The following SHANK2 variants were observed in gnomAD, a reference collection of about 807,000 sequenced individuals.
SHANK2 encodes the protein SH3 and multiple ankyrin repeat domains 2.
In SHANK2, 43 loss-of-function variants were observed where a neutral mutation model predicts 133.7. The ratio of observed to expected loss-of-function variants is 0.32; its 90% CI spans 0.25 to 0.41. The LOEUF (loss-of-function observed/expected upper bound fraction) is 0.41, where lower values mean the gene tolerates loss of function less well. Among genes scored for constraint, SHANK2 ranks in the 10% least tolerant of loss-of-function variants. The pLI, the probability that SHANK2 is intolerant of heterozygous loss-of-function variation, is 1.00. For missense variants in SHANK2, 1,994 were observed against 2,235.8 expected (o/e 0.89, Z 2.18); for synonymous variants, 1,017 against 952.8 (o/e 1.07, Z -1.24).
At chr11:70,930,788 A>G (rs1296031639) in intron 10 of SHANK2, among the ~76,000 whole-genome samples, 1 of 139,024 alleles carries the variant, frequency 7.2e-6, no homozygotes, top group African/African-American at 2.7e-5. Context: ...CTCCTGCCTC[A>G]CCCTCCCATG....
intron 14 of SHANK2, among the ~76,000 whole-genome samples, chr11:70,746,028 TG>T (rs1313343886): frequency 6.6e-6 from 1 of 152,156 alleles, no homozygotes; most frequent in Non-Finnish European, 1.5e-5. Flanking sequence ...ACCCAGGGCC[TG>T]GGGGCTTTCA....
chr11:70,584,023 G>A (rs139011617), intron 17 of SHANK2, among the ~76,000 whole-genome samples: 94 of 152,230 alleles, frequency 6.2e-4, no homozygotes, highest in Non-Finnish European at 1.1e-3. Context: ...TGCAGCCACC[G>A]CGAGCATGCT....
chr11:70,798,972 C>G (rs1385704074), intron 13 of SHANK2, among the ~76,000 whole-genome samples: 1 of 152,118 alleles, frequency 6.6e-6, no homozygotes, highest in Non-Finnish European at 1.5e-5. Context: ...CGCCACAAAG[C>G]AGGGAGGAAA....
intron 13 of SHANK2, among the ~76,000 whole-genome samples, chr11:70,799,831 G>T (rs79309520): frequency 6.6e-6 from 1 of 152,142 alleles, no homozygotes; most frequent in Non-Finnish European, 1.5e-5. Flanking sequence ...ATGAACATCC[G>T]CTGGAAGAAT....
intron 9 of SHANK2, among the ~76,000 whole-genome samples, chr11:71,061,844 C>T (rs1377304814): frequency 6.6e-6 from 1 of 152,060 alleles, no homozygotes; most frequent in East Asian, 1.9e-4. Context: ...CCAGTCCCGA[C>T]CTAGCCCTTC....
intron 17 of SHANK2, among the ~76,000 whole-genome samples, chr11:70,568,507 C>T (rs2136164782): frequency 6.6e-6 from 1 of 152,302 alleles, no homozygotes; most frequent in East Asian, 1.9e-4. Context: ...CTCCGTGAAG[C>T]TGGGGAACTT....
intron 17 of SHANK2, among the ~76,000 whole-genome samples, chr11:70,643,335 G>T (rs897030489): frequency 1.3e-5 from 2 of 152,088 alleles, no homozygotes; most frequent in African/African-American, 4.8e-5. Context: ...AGGCCGAGGC[G>T]GGCGGATCAC....
At chr11:70,592,926 C>A (rs182970601) in intron 17 of SHANK2, among the ~76,000 whole-genome samples, 1 of 152,222 alleles carries the variant, frequency 6.6e-6, no homozygotes, top group African/African-American at 2.4e-5. Context: ...GCCCCCAGGC[C>A]TGTCACCTAC....
chr11:70,889,542 A>G (rs1165479944), intron 11 of SHANK2, among the ~76,000 whole-genome samples: 1 of 152,190 alleles, frequency 6.6e-6, no homozygotes, highest in Non-Finnish European at 1.5e-5. Flanking sequence ...CTGAGAAGCA[A>G]AGGAGGAGCT....
chr11:70,487,912 G>A lies in SHANK2; in HGVS notation c.2573-192C>T, dbSNP rs1243084016. 6.6e-6 allele frequency among the ~76,000 whole-genome samples: 1 copy of A among 152,210 alleles called. No individual in the cohort carries two copies. The highest frequency in any genetic ancestry group is 6.5e-5 in the Admixed American group (1 of 15,282). On this transcript the variant is annotated intron_variant, in intron 24 of 25. Coordinates refer to ENST00000601538, the MANE Select transcript of SHANK2 (RefSeq NM_012309.5). This position sits in a 1 kb window ranked among gnomAD's most constrained non-coding sequence, Gnocchi z 5.8. ...CCGTCGTGAGCCAAAGGACAAGAAA[G>A]GGAAGAACAGAAAGGCACTGGGGAT...
intron 14 of SHANK2, among the ~76,000 whole-genome samples, chr11:70,717,871 A>T (rs1029936243): frequency 8.5e-5 from 13 of 152,166 alleles, no homozygotes; most frequent in Admixed American, 7.2e-4. Flanking sequence ...AGAAAAAAAA[A>T]ATCAGATGAA....
intron 11 of SHANK2, among the ~76,000 whole-genome samples, chr11:70,871,581 A>G (rs1949465384): frequency 1.3e-5 from 2 of 152,240 alleles, no homozygotes; most frequent in Admixed American, 6.5e-5. Context: ...CATTTGCTGA[A>G]CAAGCAGGGC....
At chr11:70,580,643 G>T (rs1450624618) in intron 17 of SHANK2, among the ~76,000 whole-genome samples, 2 of 152,220 alleles carry the variant, frequency 1.3e-5, no homozygotes, top group Admixed American at 1.3e-4. Context: ...GGACAGCGCC[G>T]TGGCACTGGC....
At chr11:70,858,986 GTCCTTTCCACAC>G (rs1949213843) in intron 11 of SHANK2, among the ~76,000 whole-genome samples, 3 of 152,204 alleles carry the variant, frequency 2.0e-5, no homozygotes, top group African/African-American at 7.2e-5. Context: ...GTCTCATGCT[GTCCTTTCCACAC>G]TGGAGCACTG....
intron 14 of SHANK2, among the ~76,000 whole-genome samples, chr11:70,755,387 T>A (rs1946845869): frequency 6.6e-6 from 1 of 152,244 alleles, no homozygotes; most frequent in Admixed American, 6.5e-5. Flanking sequence ...GCAGCCTTCT[T>A]CCTGTGGGTG....
In SHANK2 at chr11:70,809,116, G is replaced by A. The variant is rs75423986; in HGVS notation, c.1494-1945C>T. Among the ~76,000 whole-genome samples, 188 of 150,900 alleles carry A rather than the reference G, an allele frequency of 1.2e-3. 1 individual carries two copies. Among genetic ancestry groups the A allele is most frequent in the African/African-American group, 4.4e-3 (181 of 41,008 alleles). ...AGGACGGGCGTCCTTAGAAACAAAC[G>A]CATCTACACGGAGGAAGTTGGCCAG... On this transcript the variant is annotated intron_variant, in intron 12 of 25. Transcript: ENST00000601538.
intron 2 of SHANK2, among the ~76,000 whole-genome samples, chr11:71,211,950 C>G (rs1008540559): frequency 6.6e-6 from 1 of 152,166 alleles, no homozygotes; most frequent in East Asian, 1.9e-4. Flanking sequence ...TCTGGCTTAA[C>G]GTCCACCTCA....
intron 15 of SHANK2, among the ~76,000 whole-genome samples, chr11:70,687,053 G>A (rs928465974): frequency 1.3e-5 from 2 of 152,210 alleles, no homozygotes; most frequent in Non-Finnish European, 2.9e-5. Flanking sequence ...CCTGTCTCAG[G>A]GTTTGCAGTT....
At chr11:71,172,769 C>G (rs1236510308) in intron 2 of SHANK2, among the ~76,000 whole-genome samples, 1 of 152,148 alleles carries the variant, frequency 6.6e-6, no homozygotes, top group African/African-American at 2.4e-5. Flanking sequence ...AGACTGCCAC[C>G]CAGGAAGCCT....
Sources: gnomAD v4.1 joint callset for allele counts (sites outside exome capture counted in the v4.1 genomes callset) on GRCh38, gnomAD v4.1.1 for gene constraint, Gnocchi (gnomAD v3.1) non-coding constraint, MANE v1.5 for transcripts, NCBI Gene and HGNC (gene_info 2026-07-23, HGNC 2026-07-21) for gene names.